TMEM116: variants seen among roughly 807,000 people sequenced by gnomAD.
The protein encoded by TMEM116 is transmembrane protein 116.
TMEM116 carries 38 observed loss-of-function variants against 44.3 expected under a neutral mutation model. The ratio of observed to expected loss-of-function variants is 0.86; its 90% CI spans 0.66 to 1.12. The LOEUF is 1.12. Among genes scored for constraint, TMEM116 ranks in the 50% most tolerant of loss-of-function variants. TMEM116 has a pLI of 0.00. For synonymous variants in TMEM116, 132 were observed against 144.8 expected (o/e 0.91, Z 0.64); for missense variants, 354 against 401.7 (o/e 0.88, Z 1.01).
At chr12:112,004,620 A>G (rs1320073212) in intron 2 of TMEM116, among the ~76,000 whole-genome samples, 2 of 151,308 alleles carry the variant, frequency 1.3e-5, no homozygotes, top group Non-Finnish European at 2.9e-5. Context: ...TGCTTCACAA[A>G]TTTGCACATT....
chr12:112,007,190 G>T (rs2077626589), intron 1 of TMEM116, among the ~76,000 whole-genome samples: 1 of 152,178 alleles, frequency 6.6e-6, no homozygotes, highest in Admixed American at 6.5e-5. Flanking sequence ...CAAGTCAGGT[G>T]GATCACTTGA....
At chr12:111,952,692 A>T (rs979395484) in intron 4 of TMEM116, among the ~76,000 whole-genome samples, 1 of 152,180 alleles carries the variant, frequency 6.6e-6, no homozygotes, top group Non-Finnish European at 1.5e-5. Context: ...AGCCTGGCTT[A>T]GCCTCCCAGC....
chr12:111,935,096 A>C (rs948610927), intron 8 of TMEM116: 1 of 151,934 alleles, frequency 6.6e-6, no homozygotes, highest in South Asian at 2.1e-4. Flanking sequence ...CCATCTGTTG[A>C]TTTATTTATT....
intron 1 of TMEM116, chr12:112,006,087 T>C (rs2077569076): frequency 2.7e-5 from 14 of 515,140 alleles, no homozygotes; most frequent in Non-Finnish European, 3.5e-5. Flanking sequence ...TCCACCCCTA[T>C]CCCAGCTGGG....
intron 4 of TMEM116, among the ~76,000 whole-genome samples, chr12:111,955,720 C>G (rs560221108): frequency 2.6e-5 from 4 of 151,978 alleles, no homozygotes; most frequent in Non-Finnish European, 2.9e-5. Flanking sequence ...AACAGCAGAC[C>G]GCATATAAGA....
intron 4 of TMEM116, among the ~76,000 whole-genome samples, chr12:111,944,165 A>G (rs2073072512): frequency 6.6e-6 from 1 of 152,122 alleles, no homozygotes; most frequent in Admixed American, 6.6e-5. Flanking sequence ...AAAATCTAAG[A>G]GAAGGAATTT....
chr12:112,005,541 G>T, intron 1 of TMEM116: 2 of 453,702 alleles, frequency 4.4e-6, no homozygotes, highest in Non-Finnish European at 6.4e-6. Context: ...AAAAAATAGA[G>T]ATGTGGATTG....
At chr12:111,977,997 C>T (rs2136506808) in intron 4 of TMEM116, among the ~76,000 whole-genome samples, 1 of 150,746 alleles carries the variant, frequency 6.6e-6, no homozygotes, top group African/African-American at 2.4e-5. Flanking sequence ...AGATAAAGAA[C>T]AGATACAACA....
At chr12:111,981,390 G>C (rs556676929) in intron 4 of TMEM116, among the ~76,000 whole-genome samples, 1 of 152,134 alleles carries the variant, frequency 6.6e-6, no homozygotes, top group Non-Finnish European at 1.5e-5. Context: ...TCCCTAATTC[G>C]ATGACAACTT....
intron 6 of TMEM116, chr12:111,937,959 C>A: frequency 2.7e-6 from 1 of 365,342 alleles, no homozygotes; most frequent in Non-Finnish European, 5.1e-6. Context: ...GGAGCTAAAA[C>A]CCAAATCTAT....
chr12:112,011,623 AACTAG>A (rs2136763468), intron 1 of TMEM116: 1 of 152,332 alleles, frequency 6.6e-6, no homozygotes, highest in East Asian at 1.9e-4. Context: ...AACCTCTTCC[AACTAG>A]ACTATTGCCA....
At chr12:111,980,147 A>G (rs1212354494) in intron 4 of TMEM116, among the ~76,000 whole-genome samples, 1 of 152,244 alleles carries the variant, frequency 6.6e-6, no homozygotes, top group East Asian at 1.9e-4. Flanking sequence ...TAGAAGCATT[A>G]TTTATAATTG....
At chr12:111,978,702 A>T in intron 4 of TMEM116, 1 of 396,560 alleles carries the variant, frequency 2.5e-6, no homozygotes, top group Non-Finnish European at 5.1e-6. Flanking sequence ...CAACAAGAAA[A>T]TAGCCATCTG....
intron 4 of TMEM116, among the ~76,000 whole-genome samples, chr12:111,972,157 A>T (rs1378984561): frequency 2.0e-5 from 3 of 151,846 alleles, no homozygotes; most frequent in Non-Finnish European, 2.9e-5. Flanking sequence ...GAGAAAAAAT[A>T]AAGATATTAA....
At chr12:112,011,158 G>T (rs1565983063) in intron 1 of TMEM116, 1 of 152,350 alleles carries the variant, frequency 6.6e-6, no homozygotes, top group Non-Finnish European at 1.5e-5. Context: ...GAGATGCCCA[G>T]GTCCTGCACC....
intron 4 of TMEM116, among the ~76,000 whole-genome samples, chr12:111,957,023 T>C (rs2074160724): frequency 1.4e-5 from 2 of 147,144 alleles, no homozygotes; most frequent in Non-Finnish European, 3.0e-5. Context: ...GTCCGGGAAG[T>C]GAGGAGCGCC....
intron 3 of TMEM116, among the ~76,000 whole-genome samples, chr12:111,998,892 A>G (rs182570696): frequency 1.3e-5 from 2 of 152,310 alleles, no homozygotes; most frequent in Admixed American, 1.3e-4. Context: ...ACATATCAGA[A>G]GTCTTTGGCA....
intron 4 of TMEM116, among the ~76,000 whole-genome samples, chr12:111,985,083 G>C (rs2136560070): frequency 6.6e-6 from 1 of 152,168 alleles, no homozygotes; most frequent in Admixed American, 6.5e-5. Context: ...AATGATGAAA[G>C]ACAAAGCTTT....
chr12:111,969,058 C>T (rs1220911807), intron 4 of TMEM116, among the ~76,000 whole-genome samples: 9 of 150,058 alleles, frequency 6.0e-5, no homozygotes, highest in African/African-American at 1.2e-4. Context: ...CGGTGGCTCA[C>T]GCCTGTAATC....
Sources: gnomAD v4.1 joint callset for allele counts (sites outside exome capture counted in the v4.1 genomes callset) on GRCh38, gnomAD v4.1.1 for gene constraint, MANE v1.5 for transcripts, NCBI Gene and HGNC (gene_info 2026-07-23, HGNC 2026-07-21) for gene names.